Variants in LUZP2 observed in about 807,000 individuals in gnomAD.
LUZP2 encodes leucine zipper protein 2.
LUZP2 carries 52 observed loss-of-function variants against 51.6 expected under a neutral mutation model. That is an observed-to-expected ratio of 1.01 (90% CI 0.81 to 1.27). LUZP2 has a LOEUF of 1.27. LUZP2 is among the 50% of genes most tolerant of loss of function. LUZP2 has a pLI of 0.00. For missense variants in LUZP2, 436 were observed against 395.4 expected, an observed-to-expected ratio of 1.10 and a Z score of -0.87; for synonymous variants, 154 against 137.3, an observed-to-expected ratio of 1.12 and a Z score of -0.85.
chr11:24,543,275 G>T (rs144988775), intron 1 of LUZP2, among the ~76,000 whole-genome samples: 2 of 152,060 alleles, frequency 1.3e-5, no homozygotes, highest in East Asian at 3.9e-4. Context: ...AGATAACTTA[G>T]CAACCCTGTG....
intron 5 of LUZP2, among the ~76,000 whole-genome samples, chr11:24,857,288 TACATATATATATATACATATATATAC>T (rs1157728037): frequency 3.8e-5 from 3 of 79,500 alleles, no homozygotes; most frequent in Admixed American, 1.4e-4. Flanking sequence ...TATATATATA[TACATATATATATATACATATATATAC>T]ACACACACAC....
At chr11:24,967,657 C>T (rs552100987) in intron 7 of LUZP2, among the ~76,000 whole-genome samples, 1 of 151,934 alleles carries the variant, frequency 6.6e-6, no homozygotes, top group South Asian at 2.1e-4. Flanking sequence ...CTGCCATCTT[C>T]ATTTTTTTAA....
chr11:24,565,023 G>T (rs1010918125), intron 1 of LUZP2, among the ~76,000 whole-genome samples: 1 of 152,074 alleles, frequency 6.6e-6, no homozygotes, highest in Non-Finnish European at 1.5e-5. Flanking sequence ...TAATTAATGG[G>T]GACATCGTAT....
chr11:24,823,010 G>GCAAAA (rs1428191403), intron 5 of LUZP2, among the ~76,000 whole-genome samples: 1 of 152,036 alleles, frequency 6.6e-6, no homozygotes, highest in Non-Finnish European at 1.5e-5. Context: ...TGTATTTCCA[G>GCAAAA]TACATATCAG....
chr11:24,703,706 G>C (rs560183448), intron 1 of LUZP2, among the ~76,000 whole-genome samples: 3 of 151,896 alleles, frequency 2.0e-5, no homozygotes, highest in African/African-American at 7.3e-5. Flanking sequence ...GTATGTGCCT[G>C]TAATCCCACC....
intron 1 of LUZP2, among the ~76,000 whole-genome samples, chr11:24,636,453 G>A (rs530072742): frequency 6.6e-6 from 1 of 152,268 alleles, no homozygotes; most frequent in African/African-American, 2.4e-5. Context: ...GTTATAAAAT[G>A]AGTGATTTCT....
At chr11:24,775,440 T>TACAGCC (rs1450018454) in intron 5 of LUZP2, among the ~76,000 whole-genome samples, 1 of 152,198 alleles carries the variant, frequency 6.6e-6, no homozygotes, top group Non-Finnish European at 1.5e-5. Context: ...ATCCAATTGT[T>TACAGCC]ACAGCCAAAG....
intron 9 of LUZP2, among the ~76,000 whole-genome samples, chr11:25,035,289 A>T (rs1857819374): frequency 1.3e-5 from 2 of 151,922 alleles, no homozygotes; most frequent in South Asian, 2.1e-4. Flanking sequence ...AGAAAATCAT[A>T]AAAAAAACTT....
chr11:25,037,564 T>C (rs1330361483), intron 9 of LUZP2, among the ~76,000 whole-genome samples: 2 of 152,168 alleles, frequency 1.3e-5, no homozygotes, highest in African/African-American at 2.4e-5. Context: ...CAGGGGGCCG[T>C]GAGCTTAAGT....
Position 25,082,441 on chromosome 11 carries a change from T to C in LUZP2, c.*3783T>C, listed in dbSNP as rs934138784. The C allele has an allele frequency of 1.3e-5, 2 of 152,550 alleles. No homozygotes were observed. Among genetic ancestry groups the C allele is most frequent in the East Asian group, 1.9e-4 (1 of 5,190 alleles). 9.4% of individuals were successfully genotyped at this position (152,550 alleles called of 1,614,324 possible). A position where few individuals can be genotyped will look rare whatever the true frequency, so the allele number is the denominator to read the frequency against. On this transcript the variant is annotated 3_prime_UTR_variant, in exon 12 of 12. Coordinates refer to ENST00000336930, the MANE Select transcript of LUZP2 (RefSeq NM_001009909.4). ...ACACCGTAGAGTACCATAGAGTAGG[T>C]TGAACTGGCCAGACCTAGACAATGA... is the stretch of plus-strand genomic sequence containing the variant.
At chr11:24,827,014 T>G (rs1486726) in intron 5 of LUZP2, among the ~76,000 whole-genome samples, 113,006 of 151,954 alleles carry the variant, frequency 0.74, 42,927 homozygotes, top group Middle Eastern at 0.85. Flanking sequence ...AATTATAATG[T>G]CATTGGGTTT....
chr11:24,774,385 T>TATAC (rs1554989452), intron 5 of LUZP2, among the ~76,000 whole-genome samples: 11 of 109,766 alleles, frequency 1.0e-4, no homozygotes, highest in Admixed American at 4.7e-4. Context: ...TATATATACA[T>TATAC]ACACACACAC....
intron 9 of LUZP2, among the ~76,000 whole-genome samples, chr11:25,027,294 T>C (rs1243149710): frequency 1.3e-5 from 2 of 152,172 alleles, no homozygotes; most frequent in African/African-American, 2.4e-5. Flanking sequence ...TTCAAATCAC[T>C]TTGGGAGTGC....
At chr11:25,016,064 G>A (rs1036406753) in intron 9 of LUZP2, among the ~76,000 whole-genome samples, 1 of 151,798 alleles carries the variant, frequency 6.6e-6, no homozygotes, top group Non-Finnish European at 1.5e-5. Context: ...GGGACTACAG[G>A]CGCTCGCCAC....
At chr11:24,576,627 A>T (rs1590200645) in intron 1 of LUZP2, among the ~76,000 whole-genome samples, 1 of 152,194 alleles carries the variant, frequency 6.6e-6, no homozygotes, top group Admixed American at 6.6e-5. Flanking sequence ...CGAATTGCCA[A>T]TGCCAAACAT....
intron 7 of LUZP2, among the ~76,000 whole-genome samples, chr11:24,938,762 C>T (rs971903853): frequency 3.3e-5 from 5 of 152,068 alleles, no homozygotes; most frequent in African/African-American, 7.2e-5. Context: ...TGCAGGAGTA[C>T]GGTAGCAATC....
chr11:24,646,905 TTATAA>T (rs1325424751), intron 1 of LUZP2, among the ~76,000 whole-genome samples: 7 of 152,042 alleles, frequency 4.6e-5, no homozygotes, highest in African/African-American at 7.2e-5. Flanking sequence ...TACAGTAATG[TTATAA>T]TATATAATTT....
chr11:24,664,679 C>T (rs958684714), intron 1 of LUZP2, among the ~76,000 whole-genome samples: 1 of 152,114 alleles, frequency 6.6e-6, no homozygotes, highest in East Asian at 1.9e-4. Context: ...AAACAGGGGC[C>T]AACATACAGC....
intron 9 of LUZP2, among the ~76,000 whole-genome samples, chr11:25,042,443 G>A (rs1261991863): frequency 2.6e-5 from 4 of 152,030 alleles, no homozygotes; most frequent in Admixed American, 6.6e-5. Context: ...ACTTTGATGA[G>A]GGAATATTAA....
Sources: allele counts gnomAD v4.1 joint callset (sites outside exome capture counted in the v4.1 genomes callset), GRCh38; gene constraint gnomAD v4.1.1; transcripts MANE v1.5; gene names NCBI Gene and HGNC (gene_info 2026-07-23, HGNC 2026-07-21).